Variants in MEGF10 observed in about 807,000 individuals in gnomAD.
The protein encoded by MEGF10 is multiple EGF like domains 10, also known as multiple epidermal growth factor-like domains protein 10.
In MEGF10, 86 loss-of-function variants were observed where a neutral mutation model predicts 147.5. The ratio of observed to expected loss-of-function variants is 0.58; its 90% CI spans 0.49 to 0.70. MEGF10 has a LOEUF of 0.70. Among genes scored for constraint, MEGF10 ranks in the 30% least tolerant of loss-of-function variants. MEGF10 has a pLI of 0.00. For synonymous variants in MEGF10, 478 were observed against 525.5 expected (o/e 0.91, Z 1.24); for missense variants, 1,329 against 1,487.3 (o/e 0.89, Z 1.75).
intron 4 of MEGF10, among the ~76,000 whole-genome samples, chr5:127,342,293 T>C (rs560983298): frequency 5.3e-5 from 8 of 152,254 alleles, no homozygotes; most frequent in Admixed American, 2.0e-4. Flanking sequence ...TTCAGTGACA[T>C]TATCTTGATG....
the MEGF10 span, among the ~76,000 whole-genome samples, chr5:127,263,077 A>G: frequency 6.6e-6 from 1 of 152,220 alleles, no homozygotes; most frequent in African/African-American, 2.4e-5. Flanking sequence ...GGTGTTGTCT[A>G]CCTTTAAAGG....
chr5:127,360,969 C>G (rs1762450804), intron 4 of MEGF10, among the ~76,000 whole-genome samples: 1 of 151,792 alleles, frequency 6.6e-6, no homozygotes, highest in Non-Finnish European at 1.5e-5. Context: ...AATCTTTGCA[C>G]CTATGTGAGT....
At chr5:127,289,153 A>AC (rs1476375704), upstream of MEGF10, among the ~76,000 whole-genome samples, 3 of 152,236 alleles carry the variant, frequency 2.0e-5, no homozygotes, top group Non-Finnish European at 4.4e-5. Flanking sequence ...AGCAGTGGTT[A>AC]CATGGGTGTG....
chr5:127,438,332 A>G (rs1765631435), intron 16 of MEGF10, 107 bp from the exon 17 acceptor site: 2 of 1,284,620 alleles, frequency 1.6e-6, no homozygotes, highest in Non-Finnish European at 2.2e-6. Context: ...CCTGATGTAC[A>G]CTGCTAACCT....
chr5:127,319,632 T>G (rs2126759030), intron 1 of MEGF10, among the ~76,000 whole-genome samples: 1 of 152,324 alleles, frequency 6.6e-6, no homozygotes, highest in East Asian at 1.9e-4. Context: ...TCTAATCTGC[T>G]CCTTTGATGC....
intron 1 of MEGF10, among the ~76,000 whole-genome samples, chr5:127,304,595 G>A (rs1759930125): frequency 6.6e-6 from 1 of 152,216 alleles, no homozygotes; most frequent in South Asian, 2.1e-4. Context: ...CTGGGTTCAA[G>A]TGATTCTCCC....
chr5:127,299,384 G>T (rs533376650), intron 1 of MEGF10, among the ~76,000 whole-genome samples: 53 of 152,152 alleles, frequency 3.5e-4, no homozygotes, highest in Non-Finnish European at 6.6e-4. Context: ...TTATTGATAA[G>T]TTTGGACAGT....
intron 5 of MEGF10, 88 bp from the exon 6 acceptor site, chr5:127,396,444 G>A: frequency 7.0e-7 from 1 of 1,433,840 alleles, no homozygotes; most frequent in Non-Finnish European, 9.3e-7. Context: ...ATGGCCATGA[G>A]AGGTCACCAA....
chr5:127,398,691 T>G lies in MEGF10; in HGVS notation c.675T>G (p.Cys225Trp), dbSNP rs1481652697. ...AATCCCTCAGCTGTGAGGATCTTTGTCCTCCTGGTAAACATGGTCCACAGT... is the reference window on the plus strand; with the variant it reads ...AATCCCTCAGCTGTGAGGATCTTTGGCCTCCTGGTAAACATGGTCCACAGT... ...GYTGAFCEDLCPPGKHGPQCE... is the reference protein window; with the variant it reads ...GYTGAFCEDLWPPGKHGPQCE... Residue 225 changes from cysteine (C) to tryptophan (W), a missense_variant, in exon 7 of 25, where the codon TGT becomes TGG. By Grantham distance (215) the Cys-to-Trp change is radical. Coordinates refer to ENST00000503335, the MANE Select transcript of MEGF10 (RefSeq NM_001256545.2). 1 of 1,614,116 alleles carries G rather than the reference T, an allele frequency of 6.2e-7. No homozygotes were observed. The highest frequency in any genetic ancestry group is 2.2e-5 in the East Asian group (1 of 44,888).
At chr5:127,298,858 C>T (rs1381186454) in intron 1 of MEGF10, among the ~76,000 whole-genome samples, 1 of 152,122 alleles carries the variant, frequency 6.6e-6, no homozygotes, top group African/African-American at 2.4e-5. Flanking sequence ...TGCGGCCAGC[C>T]GTCCAACTGA....
At chr5:127,432,057 A>G (rs1342931868) in intron 13 of MEGF10, among the ~76,000 whole-genome samples, 4 of 152,214 alleles carry the variant, frequency 2.6e-5, no homozygotes, top group Non-Finnish European at 1.5e-5. Flanking sequence ...CAATTGGTTT[A>G]TGAACAGACC....
intron 1 of MEGF10, among the ~76,000 whole-genome samples, chr5:127,297,548 C>T (rs921025913): frequency 1.3e-5 from 2 of 151,988 alleles, no homozygotes; most frequent in African/African-American, 4.8e-5. Context: ...CAGTGTGGGA[C>T]CTTGAAGGAG....
intron 4 of MEGF10, among the ~76,000 whole-genome samples, chr5:127,363,670 T>C (rs1451856600): frequency 6.6e-6 from 1 of 152,240 alleles, no homozygotes; most frequent in Non-Finnish European, 1.5e-5. Flanking sequence ...ATTGGCAATG[T>C]CTGCCAAAGA....
chr5:127,380,338 A>G (rs1191367915), intron 5 of MEGF10, among the ~76,000 whole-genome samples: 2 of 152,128 alleles, frequency 1.3e-5, no homozygotes, highest in South Asian at 2.1e-4. Context: ...GAGCTGAAGT[A>G]TGTAAACAAA....
intron 9 of MEGF10, among the ~76,000 whole-genome samples, chr5:127,411,680 G>T (rs887280808): frequency 6.6e-6 from 1 of 152,102 alleles, no homozygotes; most frequent in Admixed American, 6.6e-5. Context: ...GGTTTTCTTC[G>T]TTGGAAAATA....
chr5:127,419,342 CA>C, intron 11 of MEGF10, 102 bp downstream of exon 11: 4 of 1,412,236 alleles, frequency 2.8e-6, no homozygotes, highest in Non-Finnish European at 3.8e-6. Flanking sequence ...CCAGTTGCAC[CA>C]AAATTCAGTG....
At chr5:127,331,260 A>C (rs999737464) in intron 1 of MEGF10, 31 bp from the exon 2 acceptor site, 1 of 1,188,044 alleles carries the variant, frequency 8.4e-7, no homozygotes, top group Non-Finnish European at 1.3e-6. Context: ...ATTTCAATGC[A>C]TTTCTAATTG....
the MEGF10 span, among the ~76,000 whole-genome samples, chr5:127,247,562 T>G: frequency 1.2e-4 from 18 of 152,104 alleles, no homozygotes; most frequent in South Asian, 3.5e-3. Context: ...GCAACTTTAT[T>G]TACAGGCCAT....
chr5:127,431,232 G>T (rs976234159), intron 13 of MEGF10, among the ~76,000 whole-genome samples: 7 of 152,084 alleles, frequency 4.6e-5, no homozygotes, highest in African/African-American at 1.7e-4. Flanking sequence ...TGAAAGAGAG[G>T]ATCTCTTTAT....
Sources: allele counts gnomAD v4.1 joint callset (sites outside exome capture counted in the v4.1 genomes callset), GRCh38; gene constraint gnomAD v4.1.1; transcripts MANE v1.5; gene names NCBI Gene and HGNC (gene_info 2026-07-23, HGNC 2026-07-21).